Variants in SULF2 observed in about 807,000 individuals in gnomAD.
The protein encoded by SULF2 is extracellular sulfatase Sulf-2.
Under a neutral mutation model 107.7 loss-of-function variants are expected in SULF2, and 52 were observed. The observed-to-expected ratio is 0.48, with a 90% CI of 0.39 to 0.61. SULF2 has a LOEUF of 0.61. Ranked by LOEUF, SULF2 falls within the 20% of genes least tolerant of loss-of-function variation. The pLI is 0.00. For synonymous variants in SULF2, 460 were observed against 464.3 expected (o/e 0.99, Z 0.12); for missense variants, 993 against 1,177.3 (o/e 0.84, Z 2.29).
At chr20:47,661,171 CAGTT>C (rs1173128645) in intron 18 of SULF2, among the ~76,000 whole-genome samples, 3 of 152,110 alleles carry the variant, frequency 2.0e-5, no homozygotes, top group African/African-American at 7.2e-5. Context: ...CCACTGGCCT[CAGTT>C]GTGTTGGCTG....
intron 3 of SULF2, among the ~76,000 whole-genome samples, chr20:47,706,054 C>A (rs547319393): frequency 1.3e-5 from 2 of 152,134 alleles, no homozygotes; most frequent in South Asian, 4.1e-4. Context: ...CTGCCTCGGC[C>A]TCCCAAAGTT....
chr20:47,714,150 C>T (rs919576318), intron 3 of SULF2, among the ~76,000 whole-genome samples: 5 of 152,228 alleles, frequency 3.3e-5, no homozygotes, highest in East Asian at 1.9e-4. Flanking sequence ...TTCGCAGGCA[C>T]GGAGTCTGCG....
chr20:47,692,428 T>C (rs1281231205), intron 4 of SULF2, among the ~76,000 whole-genome samples: 1 of 152,212 alleles, frequency 6.6e-6, no homozygotes, highest in African/African-American at 2.4e-5. Context: ...CACACATACA[T>C]ATTAGAGACA....
In SULF2 at chr20:47,710,922, T is replaced by C. The variant is rs138931056; in HGVS notation, c.416-8252A>G. 3.4e-3 allele frequency among the ~76,000 whole-genome samples: 521 copies of C among 152,282 alleles called. 4 individuals are homozygous for C. The highest frequency in any genetic ancestry group is 0.012 in the African/African-American group (484 of 41,560). Reference sequence around the variant, plus strand: ...CTGATGGGAGGAGGAGACCCTTCTGTTTTCTCTCCCAGCCCCAAATCTAAC... The same window carrying C: ...CTGATGGGAGGAGGAGACCCTTCTGCTTTCTCTCCCAGCCCCAAATCTAAC... On this transcript the variant is annotated intron_variant, in intron 3 of 20. Transcript: ENST00000688720.
intron 3 of SULF2, among the ~76,000 whole-genome samples, chr20:47,710,664 T>C (rs1420672730): frequency 6.7e-6 from 1 of 148,774 alleles, no homozygotes; most frequent in Non-Finnish European, 1.5e-5. Context: ...ATTTTCATTA[T>C]CCACCAATGG....
intron 2 of SULF2, among the ~76,000 whole-genome samples, chr20:47,752,937 C>G (rs1439137309): frequency 6.6e-6 from 1 of 151,744 alleles, no homozygotes; most frequent in Non-Finnish European, 1.5e-5. Flanking sequence ...CCTGAATCTA[C>G]TAAAAATACA....
chr20:47,742,117 A>C (rs1409480772), intron 2 of SULF2, among the ~76,000 whole-genome samples: 1 of 152,234 alleles, frequency 6.6e-6, no homozygotes, highest in African/African-American at 2.4e-5. Flanking sequence ...GCTATGTGCT[A>C]AGCCTCCCCT....
At chr20:47,770,134 C>T (rs1446972322) in intron 1 of SULF2, among the ~76,000 whole-genome samples, 4 of 142,816 alleles carry the variant, frequency 2.8e-5, no homozygotes, top group Non-Finnish European at 4.5e-5. Flanking sequence ...GAACATAGCT[C>T]ACTGCAACCT....
chr20:47,717,481 G>C (rs1025952498), intron 3 of SULF2, among the ~76,000 whole-genome samples: 5 of 152,222 alleles, frequency 3.3e-5, no homozygotes, highest in Admixed American at 1.3e-4. Context: ...CAGAGAGGCA[G>C]GGAAGAGGGA....
intron 1 of SULF2, among the ~76,000 whole-genome samples, chr20:47,762,268 G>A (rs573197091): frequency 1.3e-5 from 2 of 152,344 alleles, no homozygotes; most frequent in African/African-American, 4.8e-5. Context: ...TTCCTTCAGA[G>A]AGACAGACGT....
Position 47,746,995 on chromosome 20 carries a change from ATAT to A in SULF2, c.176-10056_176-10054del, listed in dbSNP as rs1161630544. ...AACTTAAATAAATAAAAAAAAAAAA[ATAT>A]ATATATATATATATATATATACACA... On this transcript the variant is annotated intron_variant, in intron 2 of 20. Transcript: ENST00000688720. 1.1e-3 allele frequency among the ~76,000 whole-genome samples: 129 copies of A among 116,586 alleles called. 1 individual carries two copies. The highest frequency in any genetic ancestry group is 2.1e-3 in the Non-Finnish European group (109 of 52,158). The allele number at this position is 116,586 out of a possible 152,430, so 76.5% of individuals were successfully genotyped here. A position where few individuals can be genotyped will look rare whatever the true frequency, so the allele number is the denominator to read the frequency against.
intron 11 of SULF2, among the ~76,000 whole-genome samples, chr20:47,667,657 T>G (rs1318787972): frequency 6.6e-6 from 1 of 152,206 alleles, no homozygotes; most frequent in East Asian, 1.9e-4. Context: ...TCTGCCCACC[T>G]GACACATGTC....
At position 47,664,127 on chromosome 20, in the gene SULF2, T is replaced by C. The variant is rs755436471; in HGVS notation, c.2057+3A>G. ...CTTCCCCAGGACCTCAAGCTGCTCT[T>C]ACCTGAAAGGATGCAGACTGGAGCC... On this transcript the variant is annotated splice_donor_region_variant and intron_variant, in intron 15 of 20. Transcript: ENST00000688720. 7 of 1,613,650 alleles carry C rather than the reference T, an allele frequency of 4.3e-6. No individual in the cohort carries two copies. Among genetic ancestry groups the C allele is most frequent in the South Asian group, 2.2e-5 (2 of 90,938 alleles).
intron 11 of SULF2, among the ~76,000 whole-genome samples, chr20:47,667,234 A>T (rs2087305684): frequency 6.6e-6 from 1 of 152,158 alleles, no homozygotes; most frequent in Admixed American, 6.5e-5. Context: ...CTCTGGGTAG[A>T]AATGGACGGG....
intron 3 of SULF2, among the ~76,000 whole-genome samples, chr20:47,714,337 C>T (rs901987766): frequency 2.6e-5 from 4 of 152,198 alleles, no homozygotes; most frequent in African/African-American, 7.2e-5. Context: ...TCTTGATTTT[C>T]GCCCTGTGAT....
At chr20:47,684,240 T>C (rs1003599645) in intron 6 of SULF2, 191 bp downstream of exon 6, 2 of 542,404 alleles carry the variant, frequency 3.7e-6, no homozygotes, top group Admixed American at 3.8e-5. Context: ...ATCTAGAAAA[T>C]GTTTCATGAA....
At chr20:47,716,309 A>C (rs182244081) in intron 3 of SULF2, among the ~76,000 whole-genome samples, 251 of 152,350 alleles carry the variant, frequency 1.6e-3, no homozygotes, top group Middle Eastern at 3.4e-3. Context: ...GTTCAGGACC[A>C]GCCTGGCCAA....
At chr20:47,662,333 G>A (rs2087104643) in intron 17 of SULF2, among the ~76,000 whole-genome samples, 1 of 152,176 alleles carries the variant, frequency 6.6e-6, no homozygotes, top group South Asian at 2.1e-4. Flanking sequence ...CTACCGGTGA[G>A]GGACTTAACC....
At chr20:47,714,994 T>C (rs958415248) in intron 3 of SULF2, among the ~76,000 whole-genome samples, 38 of 152,182 alleles carry the variant, frequency 2.5e-4, no homozygotes, top group Admixed American at 1.4e-3. Flanking sequence ...CGTGGCTCAC[T>C]GTACCCTCAA....
Sources: gnomAD v4.1 joint callset for allele counts (sites outside exome capture counted in the v4.1 genomes callset) on GRCh38, gnomAD v4.1.1 for gene constraint, MANE v1.5 for transcripts, NCBI Gene and HGNC (gene_info 2026-07-23, HGNC 2026-07-21) for gene names.